The following GNB1 variants were observed in gnomAD, a reference collection of about 807,000 sequenced individuals.
GNB1 encodes the protein guanine nucleotide-binding protein G(I)/G(S)/G(T) subunit beta-1.
GNB1 carries 2 observed loss-of-function variants against 42.9 expected under a neutral mutation model. The ratio of observed to expected loss-of-function variants is 0.05; its 90% confidence interval spans 0.02 to 0.15. The LOEUF (loss-of-function observed/expected upper bound fraction) is 0.15, where lower values mean the gene tolerates loss of function less well. Among genes scored for constraint, GNB1 ranks in the 10% least tolerant of loss-of-function variants. GNB1 has a pLI of 1.00. For missense variants in GNB1, 193 were observed against 462.2 expected (o/e 0.42, Z 5.34); for synonymous variants, 183 against 174.7 (o/e 1.05, Z -0.38).
chr1:1,869,812 A>G (rs1649149942), intron 1 of GNB1, among the ~76,000 whole-genome samples: 2 of 152,212 alleles, frequency 1.3e-5, no homozygotes, highest in African/African-American at 4.8e-5. Flanking sequence ...ACACACTTGT[A>G]CAACACAACT....
At chr1:1,885,551 C>CTTTTTTT (rs60651257) in intron 1 of GNB1, among the ~76,000 whole-genome samples, 1 of 94,060 alleles carries the variant, frequency 1.1e-5, no homozygotes. Context: ...TCCACTTAAT[C>CTTTTTTT]TTTTTTTTTT....
chr1:1,870,242 A>G (rs184973265), intron 1 of GNB1, among the ~76,000 whole-genome samples: 176 of 152,270 alleles, frequency 1.2e-3, no homozygotes, highest in Non-Finnish European at 2.1e-3. Context: ...CCCAGACTGG[A>G]GTACAGTGGC....
intron 1 of GNB1, among the ~76,000 whole-genome samples, chr1:1,885,882 A>G (rs906120095): frequency 5.3e-5 from 8 of 151,142 alleles, no homozygotes; most frequent in Non-Finnish European, 1.0e-4. Flanking sequence ...AAAAAAAAAA[A>G]GCAAGCAAGC....
At chr1:1,813,638 G>A (rs1265972457) in intron 5 of GNB1, among the ~76,000 whole-genome samples, 4 of 151,900 alleles carry the variant, frequency 2.6e-5, no homozygotes, top group East Asian at 3.9e-4. Flanking sequence ...CTCCAGGTGC[G>A]CACCACAACA....
chr1:1,853,268 C>T (rs1648088677), intron 1 of GNB1, among the ~76,000 whole-genome samples: 1 of 152,194 alleles, frequency 6.6e-6, no homozygotes, highest in Non-Finnish European at 1.5e-5. Context: ...ACATGCGACT[C>T]CTCCGCTCAG....
At chr1:1,811,652 C>T (rs984247210) in intron 5 of GNB1, among the ~76,000 whole-genome samples, 2 of 151,292 alleles carry the variant, frequency 1.3e-5, no homozygotes, top group East Asian at 4.0e-4. Context: ...GCTAAGACAG[C>T]ACCATTGCAC....
intron 1 of GNB1, among the ~76,000 whole-genome samples, chr1:1,879,245 C>A (rs1649708796): frequency 6.6e-6 from 1 of 152,174 alleles, no homozygotes; most frequent in Non-Finnish European, 1.5e-5. Flanking sequence ...TCGGCTCAGA[C>A]CCCCTCTACA....
intron 3 of GNB1, among the ~76,000 whole-genome samples, chr1:1,823,320 A>C (rs140943857): frequency 6.6e-5 from 10 of 151,848 alleles, no homozygotes; most frequent in African/African-American, 2.2e-4. Flanking sequence ...TAAAGAGCTG[A>C]GAGTGTTCTG....
chr1:1,852,225 T>A (rs1648026342), intron 1 of GNB1, among the ~76,000 whole-genome samples: 1 of 151,656 alleles, frequency 6.6e-6, no homozygotes, highest in South Asian at 2.1e-4. Flanking sequence ...CATAGCAAGA[T>A]CCTGCCTCTC....
At position 1,855,651 on chromosome 1, in the gene GNB1, A is replaced by C. The variant is rs1310614353; in HGVS notation, c.-95-16413T>G. Among the ~76,000 whole-genome samples the C allele has an allele frequency of 2.0e-5, 3 of 150,866 alleles. No individual in the cohort carries two copies. The East Asian group carries it at 6.0e-4, about 30-fold the overall frequency. On this transcript the variant is annotated intron_variant, in intron 1 of 11. Transcript: ENST00000378609. ...ACCCCGGGGGGCGGAGCCTGCAGTG[A>C]GCCGAGATCGCGCCACTGCACTCCA...
At chr1:1,809,194 T>A (rs1331276386) in intron 5 of GNB1, among the ~76,000 whole-genome samples, 1 of 148,868 alleles carries the variant, frequency 6.7e-6, no homozygotes, top group African/African-American at 2.5e-5. Flanking sequence ...ATGCAATTTT[T>A]TTTTTTTTTT....
At chr1:1,803,914 A>G (rs1454203483) in intron 7 of GNB1, among the ~76,000 whole-genome samples, 1 of 146,750 alleles carries the variant, frequency 6.8e-6, no homozygotes, top group Non-Finnish European at 1.5e-5. Context: ...CCCAGGAATC[A>G]GAGGTTGCAG....
chr1:1,806,081 A>G (rs1282147954), intron 6 of GNB1, among the ~76,000 whole-genome samples: 1 of 152,234 alleles, frequency 6.6e-6, no homozygotes, highest in African/African-American at 2.4e-5. Flanking sequence ...ATTACACTTT[A>G]AAGTATGATG....
At chr1:1,879,722 A>G (rs1367612312) in intron 1 of GNB1, among the ~76,000 whole-genome samples, 1 of 151,962 alleles carries the variant, frequency 6.6e-6, no homozygotes, top group Non-Finnish European at 1.5e-5. Context: ...AAAAAAAAAA[A>G]AAGAATAACT....
chr1:1,819,421 A>G (rs890351440), intron 3 of GNB1, among the ~76,000 whole-genome samples: 2 of 152,008 alleles, frequency 1.3e-5, no homozygotes, highest in African/African-American at 4.8e-5. Flanking sequence ...AGGTTTCACC[A>G]TATTGGCCAG....
chr1:1,825,513 A>T lies in GNB1; in HGVS notation c.-46-14T>A, dbSNP rs904838362. 1 of 1,183,568 alleles carries T rather than the reference A, an allele frequency of 8.4e-7. No individual in the cohort carries two copies. The highest frequency in any genetic ancestry group is 1.3e-6 in the Non-Finnish European group (1 of 787,684). 73.3% of individuals were successfully genotyped at this position (1,183,568 alleles called of 1,614,324 possible). On this transcript the variant is annotated splice_polypyrimidine_tract_variant and intron_variant, in intron 2 of 11. Coordinates refer to ENST00000378609, the MANE Select transcript of GNB1 (RefSeq NM_002074.5). ...AGAATGTGAGATCTGAAACAGAAAG[A>T]CAAGCACAATCAATAAACAACTGTT...
chr1:1,851,033 G>T (rs1291795119), intron 1 of GNB1, among the ~76,000 whole-genome samples: 1 of 152,202 alleles, frequency 6.6e-6, no homozygotes, highest in African/African-American at 2.4e-5. Flanking sequence ...ACTTTGGGAG[G>T]CCAAGGCGGG....
chr1:1,890,875 G>C lies in GNB1; in HGVS notation c.-151C>G, dbSNP rs1374756658. On this transcript the variant is annotated 5_prime_UTR_variant, in exon 1 of 12. Coordinates refer to ENST00000378609, the MANE Select transcript of GNB1 (RefSeq NM_002074.5). ...CACACCGCCGCCTCGGCCGCCGCTC[G>C]GCAGGTCGTCGCGCTCGGGCCGCGC... 6.8e-6 allele frequency: 1 copy of C among 146,938 alleles called. No individual in the cohort carries two copies. The highest frequency in any genetic ancestry group is 2.5e-5 in the African/African-American group (1 of 40,754). The allele number at this position is 146,938 out of a possible 1,614,324, so 9.1% of individuals were successfully genotyped here.
rs367942004 is a variant in GNB1, at chr1:1,883,289, A to G, written c.-96+7531T>C. Among the ~76,000 whole-genome samples, 98 of 151,958 alleles carry G rather than the reference A, an allele frequency of 6.4e-4. 1 individual carries two copies. The highest frequency in any genetic ancestry group is 1.7e-3 in the African/African-American group (72 of 41,506). On this transcript the variant is annotated intron_variant, in intron 1 of 11. Coordinates refer to ENST00000378609, the MANE Select transcript of GNB1 (RefSeq NM_002074.5). Reference sequence around the variant, plus strand: ...GCAAAACCCTGTCCCAAAAAAAAAAAAAAAAGAAAAAGAAAAAAAAACCTT... The same window carrying G: ...GCAAAACCCTGTCCCAAAAAAAAAAGAAAAAGAAAAAGAAAAAAAAACCTT...
Sources: gnomAD v4.1 joint callset for allele counts (sites outside exome capture counted in the v4.1 genomes callset) on GRCh38, gnomAD v4.1.1 for gene constraint, MANE v1.5 for transcripts, NCBI Gene and HGNC (gene_info 2026-07-23, HGNC 2026-07-21) for gene names.